Variants in CIITA observed in about 807,000 individuals in gnomAD.
CIITA encodes the protein class II major histocompatibility complex transactivator, also known as MHC class II transactivator.
A neutral mutation model predicts 115.1 loss-of-function variants in CIITA; 72 were observed. The ratio of observed to expected loss-of-function variants is 0.63; its 90% CI spans 0.52 to 0.76. CIITA has a LOEUF of 0.76. CIITA is among the 30% of genes least tolerant of loss of function. The pLI is 0.00. For synonymous variants in CIITA, 763 were observed against 635.6 expected (o/e 1.20, Z -3.02); for missense variants, 1,617 against 1,463.8 (o/e 1.10, Z -1.71).
At chr16:10,892,423 C>A (rs1178197030) in intron 1 of CIITA, among the ~76,000 whole-genome samples, 4 of 152,244 alleles carry the variant, frequency 2.6e-5, no homozygotes, top group Non-Finnish European at 5.9e-5. Flanking sequence ...TCTTCTGGGC[C>A]CAGAACAGGG....
intron 8 of CIITA, among the ~76,000 whole-genome samples, 178 bp downstream of exon 8, chr16:10,902,979 G>T (rs992131619): frequency 6.6e-6 from 1 of 152,242 alleles, no homozygotes; most frequent in Non-Finnish European, 1.5e-5. Context: ...GAAGAGCAGA[G>T]ATTCCTGAGG....
intron 1 of CIITA, chr16:10,866,687 G>T (rs2035090050): frequency 2.6e-6 from 1 of 384,332 alleles, no homozygotes; most frequent in Non-Finnish European, 5.1e-6. Flanking sequence ...AGAAATCCAA[G>T]TGTCTAGTGA....
rs143801818 is a variant in CIITA, at chr16:10,909,052, C to T, written c.2681C>T (p.Ala894Val). Residue 894 changes from alanine (A) to valine (V), a missense_variant, in exon 12 of 20, where the codon GCG (alanine) becomes GTG (valine). By Grantham distance (64) the Ala-to-Val change is moderately conservative. Transcript: ENST00000324288. ...AGGGCTGCCTTGAGCGACACGGTGG[C>T]GCTGTGGGAGTCCCTGCAGCAGCAT... ...RFRAALSDTV[A>V]LWESLQQHGE... 3.7e-5 allele frequency: 59 copies of T among 1,614,048 alleles called. No homozygotes were observed. Among genetic ancestry groups the T allele is most frequent in the African/African-American group, 3.1e-4 (23 of 74,908 alleles).
chr16:10,923,356 C>T lies in CIITA; in HGVS notation c.*22+31C>T, dbSNP rs557850748. 138 of 1,494,146 alleles carry T rather than the reference C, an allele frequency of 9.2e-5. No homozygotes were observed. In the Middle Eastern group the frequency reaches 1.0e-3, roughly 11 times the overall value. 92.6% of individuals were successfully genotyped at this position (1,494,146 alleles called of 1,614,324 possible). ...CAGGGTGGGCTTGGGAGGGGAGAGC[C>T]GCAGTGGGTTGGGGGCAGTGTCCTT... On this transcript the variant is annotated intron_variant, in intron 19 of 19. Coordinates refer to ENST00000324288, the MANE Select transcript of CIITA (RefSeq NM_000246.4). This position sits in a 1 kb window ranked among gnomAD's most constrained non-coding sequence, Gnocchi z 5.2.
chr16:10,904,918 C>A, intron 10 of CIITA, 106 bp downstream of exon 10: 2 of 1,113,398 alleles, frequency 1.8e-6, no homozygotes, highest in Non-Finnish European at 2.7e-6. Context: ...TCTTTGTTGG[C>A]TCACACACTC....
In CIITA at chr16:10,920,980, T is replaced by C. The variant is rs922608258; in HGVS notation, c.3150-1187T>C. Among the ~76,000 whole-genome samples, 1 of 152,326 alleles carries C rather than the reference T, an allele frequency of 6.6e-6. No individual in the cohort carries two copies. The highest frequency in any genetic ancestry group is 3.4e-3 in the Middle Eastern group (1 of 294). On this transcript the variant is annotated intron_variant, in intron 16 of 19. Transcript: ENST00000324288. The surrounding 1 kb of genome is among the most constrained non-coding windows in gnomAD (Gnocchi z 4.5). Reference sequence around the variant, plus strand: ...GCCTCCCGAGTTCAAGCAATTCTCCTGCCTCAGCCTCTCAAGTAGCTGGGA... The same window carrying C: ...GCCTCCCGAGTTCAAGCAATTCTCCCGCCTCAGCCTCTCAAGTAGCTGGGA...
Position 10,942,684 on chromosome 16 carries a change from G to A in CIITA, n.1810G>A, listed in dbSNP as rs1455983430. 6.6e-6 allele frequency: 1 copy of A among 152,272 alleles called. No homozygotes were observed. The highest frequency in any genetic ancestry group is 1.5e-5 in the Non-Finnish European group (1 of 68,072). The allele number at this position is 152,272 out of a possible 1,614,324, so 9.4% of individuals were successfully genotyped here. On this transcript the variant is annotated non_coding_transcript_exon_variant, in exon 2 of 2. Transcript: ENST00000573379. The surrounding 1 kb of genome is among the most constrained non-coding windows in gnomAD (Gnocchi z 5.0). ...ATTCGCTCTGCGTATCGAATAGGGG[G>A]AGGTAAAAGAGACTGAACACAGTTC...
intron 15 of CIITA, chr16:10,916,987 A>C: frequency 4.0e-6 from 1 of 252,282 alleles, no homozygotes; most frequent in East Asian, 5.7e-5. Flanking sequence ...CAAGTAAACA[A>C]GTCGGTAATT....
At position 10,882,548 on chromosome 16, in the gene CIITA, G is replaced by A. The variant is rs1248326775; in HGVS notation, c.52+5166G>A. 2.6e-5 allele frequency among the ~76,000 whole-genome samples: 4 copies of A among 151,948 alleles called. No homozygotes were observed. The East Asian group carries it at 7.7e-4, about 29-fold the overall frequency. On this transcript the variant is annotated intron_variant, in intron 1 of 19. Transcript: ENST00000324288. ...GTTCAAGACCAGCCTGGGCAACAGA[G>A]CAAGACCTTTTTTTAGGAAAAAAAT...
At chr16:10,916,282 G>A in intron 14 of CIITA, 85 bp from the exon 15 acceptor site, 1 of 1,288,726 alleles carries the variant, frequency 7.8e-7, no homozygotes, top group Non-Finnish European at 1.1e-6. Context: ...GCAGGTGCCA[G>A]GGCTGAGGAG....
rs760506904 is a variant in CIITA, at chr16:10,902,134, A to C, written c.578A>C (p.Gln193Pro). ...CTGCCACTGCCTGCGCTGTTCAACC[A>C]GGAGCCAGCCTCCGGCCAGATGCGC... ...PCLPLPALFNQEPASGQMRLE... is the reference protein window; with the variant it reads ...PCLPLPALFNPEPASGQMRLE... The change falls in exon 7 of 20, where the codon CAG becomes CCG. Residue 193 changes from glutamine to proline, a missense_variant. Coordinates refer to ENST00000324288, the MANE Select transcript of CIITA (RefSeq NM_000246.4). 6.2e-7 allele frequency: 1 copy of C among 1,614,188 alleles called. No individual in the cohort carries two copies. Among genetic ancestry groups the C allele is most frequent in the South Asian group, 1.1e-5 (1 of 91,092 alleles).
At chr16:10,916,687 A>G in intron 15 of CIITA, 1 of 566,646 alleles carries the variant, frequency 1.8e-6, no homozygotes, top group South Asian at 2.0e-5. Context: ...TACCATGCCC[A>G]GCCCCAGTGG....
chr16:10,907,056 C>G lies in CIITA; in HGVS notation c.1564C>G (p.Pro522Ala), dbSNP rs770802808. The change falls in exon 11 of 20, where the codon CCC (proline) becomes GCC (alanine). Residue 522 changes from proline (P) to alanine (A), a missense_variant. Transcript: ENST00000324288. The surrounding 1 kb of genome is among the most constrained non-coding windows in gnomAD (Gnocchi z 5.0). ...CACGTGCGGACCGGCACCGGCGGAG[C>G]CCTGCTCCCTCCGGGGGCTGCTGGC... ...HSTCGPAPAE[P>A]CSLRGLLAGL... 4 of 1,607,324 alleles carry G rather than the reference C, an allele frequency of 2.5e-6. No individual in the cohort carries two copies. Among genetic ancestry groups the G allele is most frequent in the Non-Finnish European group, 3.4e-6 (4 of 1,179,952 alleles).
chr16:10,885,235 G>A (rs1164467028), intron 1 of CIITA, among the ~76,000 whole-genome samples: 2 of 152,208 alleles, frequency 1.3e-5, no homozygotes, highest in African/African-American at 2.4e-5. Flanking sequence ...CAGCTGAGGA[G>A]CTTGCAGGTC....
At chr16:10,908,338 A>G (rs774518224) in intron 11 of CIITA, 189 bp downstream of exon 11, 11 of 736,128 alleles carry the variant, frequency 1.5e-5, no homozygotes, top group Non-Finnish European at 2.2e-5. Flanking sequence ...CCACACAGCA[A>G]GTGAGAGGCA....
chr16:10,877,877 T>C (rs968180045), intron 1 of CIITA, among the ~76,000 whole-genome samples: 4 of 152,010 alleles, frequency 2.6e-5, no homozygotes, highest in African/African-American at 9.7e-5. Flanking sequence ...AGTTTCCTAA[T>C]GGTGTTGTTT....
chr16:10,887,184 C>T (rs1282399285), intron 1 of CIITA, among the ~76,000 whole-genome samples: 1 of 152,122 alleles, frequency 6.6e-6, no homozygotes, highest in Non-Finnish European at 1.5e-5. Context: ...CCCCTGGCTT[C>T]CCAACACCAT....
chr16:10,893,800 G>A (rs531962655), intron 1 of CIITA, among the ~76,000 whole-genome samples: 2 of 43,318 alleles, frequency 4.6e-5, no homozygotes, highest in Non-Finnish European at 7.4e-5. Flanking sequence ...CAGAGACTCC[G>A]TCTTAAAAAA....
At position 10,898,116 on chromosome 16, in the gene CIITA, C is replaced by A. The variant is rs143557343; in HGVS notation, c.296-554C>A. On this transcript the variant is annotated intron_variant, in intron 3 of 19. Coordinates refer to ENST00000324288, the MANE Select transcript of CIITA (RefSeq NM_000246.4). ...CCTGATTGCCCTATTCCACCATACA[C>A]CTTTTTTCTCGGACTTCATGTCATG... Among the ~76,000 whole-genome samples the A allele has an allele frequency of 7.1e-3, 1,088 of 152,282 alleles. 6 individuals are homozygous for A. The highest frequency in any genetic ancestry group is 0.014 in the Middle Eastern group (4 of 294).
Sources: gnomAD v4.1 joint callset for allele counts (sites outside exome capture counted in the v4.1 genomes callset) on GRCh38, gnomAD v4.1.1 for gene constraint, Gnocchi (gnomAD v3.1) non-coding constraint, MANE v1.5 for transcripts, NCBI Gene and HGNC (gene_info 2026-07-23, HGNC 2026-07-21) for gene names.